LRP12: variants seen among roughly 807,000 people sequenced by gnomAD.
LRP12 encodes the protein LDL receptor related protein 12, also known as low-density lipoprotein receptor-related protein 12.
Under a neutral mutation model 66.0 loss-of-function variants are expected in LRP12, and 14 were observed. The observed-to-expected ratio is 0.21, with a 90% CI of 0.14 to 0.33. LRP12 has a LOEUF of 0.33. LRP12 is among the 10% of genes least tolerant of loss of function. The pLI, the probability that LRP12 is intolerant of heterozygous loss-of-function variation, is 1.00. For missense variants in LRP12, 889 were observed against 1,053.4 expected, an observed-to-expected ratio of 0.84 and a Z score of 2.16; for synonymous variants, 357 against 359.1, an observed-to-expected ratio of 0.99 and a Z score of 0.07.
At chr8:104,503,177 T>C (rs73295105) in intron 3 of LRP12, among the ~76,000 whole-genome samples, 6,187 of 151,848 alleles carry the variant, frequency 0.041, 331 homozygotes, top group African/African-American at 0.12. Context: ...TTTTTAAGCA[T>C]TTCAGAGTTT....
chr8:104,544,411 G>A (rs1811525869), intron 1 of LRP12, among the ~76,000 whole-genome samples: 1 of 152,086 alleles, frequency 6.6e-6, no homozygotes, highest in Non-Finnish European at 1.5e-5. Context: ...GGCTACACGA[G>A]GCAACAGATT....
intron 1 of LRP12, among the ~76,000 whole-genome samples, chr8:104,586,657 C>T (rs1431006388): frequency 6.6e-6 from 1 of 152,176 alleles, no homozygotes; most frequent in Non-Finnish European, 1.5e-5. Context: ...TGTTATAGAA[C>T]CACATCCACC....
At chr8:104,574,279 C>A (rs1812126934) in intron 1 of LRP12, among the ~76,000 whole-genome samples, 1 of 152,142 alleles carries the variant, frequency 6.6e-6, no homozygotes, top group South Asian at 2.1e-4. Context: ...AATAATTACT[C>A]AATTTTAATT....
chr8:104,531,090 GA>G (rs1036157120), intron 2 of LRP12, among the ~76,000 whole-genome samples: 3 of 151,858 alleles, frequency 2.0e-5, no homozygotes, highest in Non-Finnish European at 4.4e-5. Context: ...TTCATGTGAG[GA>G]AAAAAGAACC....
At chr8:104,554,583 G>T (rs912346680) in intron 1 of LRP12, among the ~76,000 whole-genome samples, 54 of 151,866 alleles carry the variant, frequency 3.6e-4, no homozygotes, top group African/African-American at 1.2e-3. Flanking sequence ...AAGGAAAAAA[G>T]AATTAAAAAT....
rs188724997 is a variant in LRP12, at chr8:104,556,471, T to C, written c.80-24508A>G. ...GAAATGGGAGATATTACAACTGATA[T>C]CACAGAAATACAAAAGATCATTCAA... On this transcript the variant is annotated intron_variant, in intron 1 of 6. Coordinates refer to ENST00000276654, the MANE Select transcript of LRP12 (RefSeq NM_013437.5). 9.3e-4 allele frequency among the ~76,000 whole-genome samples: 142 copies of C among 152,168 alleles called. 2 individuals are homozygous for C. Among genetic ancestry groups the C allele is most frequent in the African/African-American group, 3.3e-3 (136 of 41,552 alleles).
intron 3 of LRP12, among the ~76,000 whole-genome samples, chr8:104,503,396 C>T (rs576289943): frequency 1.1e-5 from 1 of 89,490 alleles, no homozygotes; most frequent in African/African-American, 4.0e-5. Flanking sequence ...GAATAAGAAA[C>T]AATAAATATC....
chr8:104,565,711 A>T (rs1811987485), intron 1 of LRP12, among the ~76,000 whole-genome samples: 1 of 151,872 alleles, frequency 6.6e-6, no homozygotes, highest in Admixed American at 6.6e-5. Flanking sequence ...ATACAAAAAA[A>T]TTAGCCAGGT....
intron 2 of LRP12, among the ~76,000 whole-genome samples, chr8:104,525,227 A>G (rs558707047): frequency 3.1e-4 from 47 of 152,252 alleles, no homozygotes; most frequent in Non-Finnish European, 5.4e-4. Flanking sequence ...AGAGAGATTT[A>G]AAATTCTGAA....
At chr8:104,578,395 T>C (rs1812198815) in intron 1 of LRP12, among the ~76,000 whole-genome samples, 1 of 152,122 alleles carries the variant, frequency 6.6e-6, no homozygotes, top group African/African-American at 2.4e-5. Context: ...ATTAAGTCAG[T>C]AATAAACAGC....
At chr8:104,555,394 G>A (rs960160361) in intron 1 of LRP12, among the ~76,000 whole-genome samples, 5 of 151,962 alleles carry the variant, frequency 3.3e-5, no homozygotes, top group East Asian at 1.9e-4. Flanking sequence ...ATAAGAATTC[G>A]CCAACCACGT....
chr8:104,525,577 A>G (rs1423925572), intron 2 of LRP12, among the ~76,000 whole-genome samples: 2 of 152,214 alleles, frequency 1.3e-5, no homozygotes, highest in African/African-American at 4.8e-5. Flanking sequence ...AGAAAAGTTA[A>G]TATTAATTCA....
Position 104,497,233 on chromosome 8 carries a change from G to A in LRP12, c.1319C>T (p.Pro440Leu). ...GCAGTTTTTTTCATCTGAGCCATTT[G>A]GGCAATGATTCTGGTAGTTGCAGCG... ...SDRCNYQNHC[P>L]NGSDEKNCFF... is the part of the protein sequence containing the mutation. Residue 440 changes from proline to leucine, a missense_variant, in exon 5 of 7, where the codon CCA becomes CTA. By Grantham distance (98) the Pro-to-Leu change is moderately conservative (BLOSUM62 -3). Transcript: ENST00000276654. This position sits in a 1 kb window ranked among gnomAD's most constrained non-coding sequence, Gnocchi z 4.3. 1.4e-5 allele frequency: 23 copies of A among 1,613,670 alleles called. No individual in the cohort carries two copies. Among genetic ancestry groups the A allele is most frequent in the Non-Finnish European group, 1.9e-5 (22 of 1,179,858 alleles).
At chr8:104,519,926 C>T (rs35767747) in intron 2 of LRP12, among the ~76,000 whole-genome samples, 10,501 of 151,960 alleles carry the variant, frequency 0.069, 415 homozygotes, top group South Asian at 0.08. Flanking sequence ...CAGCTGTAAT[C>T]AAGGCAGGTA....
At position 104,588,521 on chromosome 8, in the gene LRP12, G is replaced by A. The variant is rs188657459; in HGVS notation, c.79+298C>T. On this transcript the variant is annotated intron_variant, in intron 1 of 6. Coordinates refer to ENST00000276654, the MANE Select transcript of LRP12 (RefSeq NM_013437.5). ...CGGGTCCTGGAGCAACTGGCCGCGG[G>A]GGCCCTCGAACCCAGGTCGGGAAGT... Among the ~76,000 whole-genome samples the A allele has an allele frequency of 4.6e-5, 7 of 152,270 alleles. No individual in the cohort carries two copies. The East Asian group carries it at 1.4e-3, about 30-fold the overall frequency.
chr8:104,582,106 T>C (rs1812258605), intron 1 of LRP12, among the ~76,000 whole-genome samples: 2 of 152,214 alleles, frequency 1.3e-5, no homozygotes, highest in Admixed American at 6.5e-5. Flanking sequence ...AAACATCCTA[T>C]TGTGCTCCAT....
intron 2 of LRP12, among the ~76,000 whole-genome samples, chr8:104,518,891 C>A (rs1179450347): frequency 6.6e-6 from 1 of 151,978 alleles, no homozygotes. Flanking sequence ...TGGACAGATA[C>A]TTAAAGACAC....
chr8:104,521,611 T>TTATATA (rs139052006), intron 2 of LRP12, among the ~76,000 whole-genome samples: 48 of 150,276 alleles, frequency 3.2e-4, no homozygotes, highest in African/African-American at 1.1e-3. Flanking sequence ...AGTAATGTTT[T>TTATATA]TATATATATA....
chr8:104,491,295 T>C lies in LRP12; in HGVS notation c.1958A>G (p.Asp653Gly), dbSNP rs1810624908. The C allele has an allele frequency of 5.0e-6, 8 of 1,614,150 alleles. No individual in the cohort carries two copies. The highest frequency in any genetic ancestry group is 6.8e-6 in the Non-Finnish European group (8 of 1,180,030). ...THRSLFSVESDDTDTENERRD... is the reference protein window; with the variant it reads ...THRSLFSVESGDTDTENERRD... The stretch of plus-strand genomic sequence containing the variant: ...TCTCTCATTTTCTGTGTCTGTATCA[T>C]CAGACTCCACGGAAAACAAACTTCT... Residue 653 changes from aspartate to glycine, a missense_variant, in exon 7 of 7, where the codon GAT (aspartate) becomes GGT (glycine). By Grantham distance (94) the Asp-to-Gly change is moderately conservative (BLOSUM62 -1). This residue lies in a region of LRP12 where 800 missense variants were observed against 964.5 expected (regional missense o/e 0.83). Transcript: ENST00000276654.
Sources: gnomAD v4.1 joint callset for allele counts (sites outside exome capture counted in the v4.1 genomes callset) on GRCh38, gnomAD v4.1.1 for gene constraint, gnomAD v4.1.1 regional missense constraint, Gnocchi (gnomAD v3.1) non-coding constraint, MANE v1.5 for transcripts, NCBI Gene and HGNC (gene_info 2026-07-23, HGNC 2026-07-21) for gene names.